SLC7A8: variants seen among roughly 807,000 people sequenced by gnomAD.
The protein encoded by SLC7A8 is solute carrier family 7 member 8.
In SLC7A8, 30 loss-of-function variants were observed where a neutral mutation model predicts 51.2. The observed-to-expected ratio is 0.59, with a 90% CI of 0.44 to 0.80. SLC7A8 has a LOEUF of 0.80. SLC7A8 is among the 30% of genes least tolerant of loss of function. The pLI is 0.00. For missense variants in SLC7A8, 612 were observed against 674.4 expected (o/e 0.91, Z 1.03); for synonymous variants, 257 against 275.8 (o/e 0.93, Z 0.67).
rs537760100 is a variant in SLC7A8 at position 23,127,017 on chromosome 14, T to C, written c.*160A>G. On this transcript the variant is annotated 3_prime_UTR_variant, in exon 11 of 11. Coordinates refer to ENST00000316902, the MANE Select transcript of SLC7A8 (RefSeq NM_012244.4). ...CTGGTTCTTTGGGTATGAATGTCAG[T>C]TTTTGTTTACAATTTCTCACCACCC... 1.0e-5 allele frequency: 9 copies of C among 871,056 alleles called. No homozygotes were observed. Among genetic ancestry groups the C allele is most frequent in the African/African-American group, 6.7e-5 (4 of 59,290 alleles). 54.0% of individuals were successfully genotyped at this position (871,056 alleles called of 1,614,324 possible).
chr14:23,168,916 G>T (rs1452591723), intron 1 of SLC7A8, among the ~76,000 whole-genome samples: 2 of 152,288 alleles, frequency 1.3e-5, no homozygotes, highest in Non-Finnish European at 1.5e-5. Context: ...CTTCTTGGAG[G>T]CCCCAACCTT....
intron 7 of SLC7A8, among the ~76,000 whole-genome samples, chr14:23,132,918 G>A (rs1028388426): frequency 1.3e-4 from 19 of 151,776 alleles, no homozygotes; most frequent in Middle Eastern, 3.4e-3. Context: ...TTACAGGCAT[G>A]AGCCACTATG....
At chr14:23,129,489 A>C in intron 9 of SLC7A8, 161 bp downstream of exon 9, 1 of 710,596 alleles carries the variant, frequency 1.4e-6, no homozygotes, top group Non-Finnish European at 2.3e-6. Context: ...GAATGGAAAT[A>C]GTGGTCCCAT....
intron 7 of SLC7A8, among the ~76,000 whole-genome samples, chr14:23,132,781 A>G (rs954165463): frequency 8.2e-4 from 124 of 152,036 alleles, no homozygotes; most frequent in Middle Eastern, 3.4e-3. Context: ...GATTACAGGC[A>G]TGCGCCACCA....
At chr14:23,160,942 C>A (rs58255403) in intron 3 of SLC7A8, among the ~76,000 whole-genome samples, 908 of 73,750 alleles carry the variant, frequency 0.012, 5 homozygotes, top group Middle Eastern at 0.035. Context: ...ATGTAAAATA[C>A]TTTCTCTCTC....
intron 3 of SLC7A8, 35 bp from the exon 4 acceptor site, chr14:23,143,239 G>A: frequency 6.2e-7 from 1 of 1,609,538 alleles, no homozygotes; most frequent in Non-Finnish European, 8.5e-7. Context: ...ACCTTCAGGG[G>A]CTGTATCTGG....
At chr14:23,161,500 C>T (rs1044506370) in intron 3 of SLC7A8, among the ~76,000 whole-genome samples, 1 of 148,528 alleles carries the variant, frequency 6.7e-6, no homozygotes, top group East Asian at 2.1e-4. Context: ...CTCTCTACTG[C>T]GTCTCTCAAA....
intron 1 of SLC7A8, among the ~76,000 whole-genome samples, chr14:23,167,284 A>C (rs2048954887): frequency 6.6e-6 from 1 of 152,202 alleles, no homozygotes; most frequent in South Asian, 2.1e-4. Context: ...CCAATGTTTC[A>C]TGTGACCCTC....
intron 3 of SLC7A8, chr14:23,155,154 C>G: frequency 6.5e-7 from 1 of 1,535,768 alleles, no homozygotes; most frequent in Non-Finnish European, 8.7e-7. Flanking sequence ...CTTTTCATCT[C>G]GAAGCACTTA....
chr14:23,129,336 G>A (rs558783984), intron 9 of SLC7A8: 3 of 265,284 alleles, frequency 1.1e-5, no homozygotes, highest in African/African-American at 6.7e-5. Flanking sequence ...AGGAGGAAGT[G>A]TTGGGGAGAT....
chr14:23,128,044 C>T lies in SLC7A8; in HGVS notation c.1416G>A (p.Lys472=), dbSNP rs1286155955. The change falls in exon 10 of 11, where the codon AAG becomes AAA. Residue 472 remains lysine, a synonymous_variant. Transcript: ENST00000316902. The surrounding 1 kb of genome is among the most constrained non-coding windows in gnomAD (Gnocchi z 4.3). The part of the protein sequence containing the change: ...VYFLGVYWQH[K]PKCFSDFIEL... ...CAATGAAGTCACTGAAACACTTGGG[C>T]TTGTGTTGCCAGTAAACACCCAGGA... 1 of 1,614,110 alleles carries T rather than the reference C, an allele frequency of 6.2e-7. No homozygotes were observed. The highest frequency in any genetic ancestry group is 8.5e-7 in the Non-Finnish European group (1 of 1,179,970).
At chr14:23,181,463 T>A (rs1488737423) in intron 1 of SLC7A8, among the ~76,000 whole-genome samples, 1 of 102,730 alleles carries the variant, frequency 9.7e-6, no homozygotes, top group South Asian at 2.7e-4. Flanking sequence ...GGGGGGGGGA[T>A]GGGATTTCAT....
Position 23,127,297 on chromosome 14 carries a change from G to A in SLC7A8, c.1488C>T (p.Pro496=), listed in dbSNP as rs756620184. 18 of 1,614,038 alleles carry A rather than the reference G, an allele frequency of 1.1e-5. No homozygotes were observed. The highest frequency in any genetic ancestry group is 6.6e-5 in the South Asian group (6 of 91,086). The part of the protein sequence containing the change: ...VSQKMCVVVY[P]EVERGSGTEE... ...CTGTCCCTGAGCCCCGCTCCACCTC[G>A]GGGTACACGACCACACACATCTTCT... is the stretch of plus-strand genomic sequence containing the variant. Residue 496 remains proline (P), a synonymous_variant, in exon 11 of 11, where the codon CCC becomes CCT. Transcript: ENST00000316902.
chr14:23,140,998 C>T (rs572792304), intron 4 of SLC7A8, among the ~76,000 whole-genome samples: 2 of 152,286 alleles, frequency 1.3e-5, no homozygotes, highest in East Asian at 1.9e-4. Context: ...AAGAAGCATC[C>T]AGGGTTGGGC....
At chr14:23,167,025 CA>C (rs1485676109) in intron 1 of SLC7A8, among the ~76,000 whole-genome samples, 9 of 152,126 alleles carry the variant, frequency 5.9e-5, no homozygotes, top group Non-Finnish European at 4.4e-5. Flanking sequence ...TGGAAGGCTT[CA>C]AAAATGAGCC....
chr14:23,126,919 C>G lies in SLC7A8; in HGVS notation c.*258G>C, dbSNP rs1594812824. 1.7e-5 allele frequency: 9 copies of G among 521,128 alleles called. No homozygotes were observed. In the East Asian group the frequency reaches 2.9e-4, roughly 17 times the overall value. 32.3% of individuals were successfully genotyped at this position (521,128 alleles called of 1,614,324 possible). ...GTCCTGCAGGGCACCTTGGCATCTCCCCTCTCCTCCAGCAGCTGGGAGTGT... is the reference window on the plus strand; with the variant it reads ...GTCCTGCAGGGCACCTTGGCATCTCGCCTCTCCTCCAGCAGCTGGGAGTGT... On this transcript the variant is annotated 3_prime_UTR_variant, in exon 11 of 11. Coordinates refer to ENST00000316902, the MANE Select transcript of SLC7A8 (RefSeq NM_012244.4).
At chr14:23,149,039 G>A (rs543883861) in intron 3 of SLC7A8, among the ~76,000 whole-genome samples, 4 of 152,144 alleles carry the variant, frequency 2.6e-5, no homozygotes, top group Admixed American at 6.5e-5. Flanking sequence ...CAGGCCTTGC[G>A]GGACACCAGA....
intron 1 of SLC7A8, among the ~76,000 whole-genome samples, chr14:23,168,788 C>A (rs1338118889): frequency 6.6e-6 from 1 of 152,204 alleles, no homozygotes; most frequent in Non-Finnish European, 1.5e-5. Flanking sequence ...CAGCAGGGAT[C>A]AGTAAGTGCT....
Position 23,143,287 on chromosome 14 carries a change from C to T in SLC7A8, c.509-83G>A, listed in dbSNP as rs2048762524. The T allele has an allele frequency of 2.6e-6, 4 of 1,557,472 alleles. No individual in the cohort carries two copies. In the East Asian group the frequency reaches 9.0e-5, roughly 35 times the overall value. On this transcript the variant is annotated intron_variant, in intron 3 of 10. Transcript: ENST00000316902. ...CAAGGCACACAAGCAGAACTGCTCCCTCATCCTGACGATGACATTGTAGTA... is the reference window on the plus strand; with the variant it reads ...CAAGGCACACAAGCAGAACTGCTCCTTCATCCTGACGATGACATTGTAGTA...
Sources: gnomAD v4.1 joint callset for allele counts (sites outside exome capture counted in the v4.1 genomes callset) on GRCh38, gnomAD v4.1.1 for gene constraint, Gnocchi (gnomAD v3.1) non-coding constraint, MANE v1.5 for transcripts, NCBI Gene and HGNC (gene_info 2026-07-23, HGNC 2026-07-21) for gene names.